CACNA1E: variants seen among roughly 807,000 people sequenced by gnomAD.
CACNA1E encodes voltage-dependent R-type calcium channel subunit alpha-1E.
Under a neutral mutation model 259.2 loss-of-function variants are expected in CACNA1E, and 40 were observed. That is an observed-to-expected ratio of 0.15 (90% CI 0.12 to 0.20). The LOEUF (loss-of-function observed/expected upper bound fraction) is 0.20. CACNA1E is among the 10% of genes least tolerant of loss of function. The pLI, the probability that CACNA1E is intolerant of heterozygous loss-of-function variation, is 1.00. For synonymous variants in CACNA1E, 1,104 were observed against 1,138.5 expected (o/e 0.97, Z 0.61); for missense variants, 1,874 against 3,040.1 (o/e 0.62, Z 9.02).
At chr1:181,601,859 C>G (rs1049264197) in intron 6 of CACNA1E, among the ~76,000 whole-genome samples, 6 of 152,218 alleles carry the variant, frequency 3.9e-5, no homozygotes, top group African/African-American at 1.2e-4. Flanking sequence ...ACAGGGCCCT[C>G]CATGATCTGC....
At chr1:181,430,079 T>G (rs1404491514) in intron 2 of CACNA1E, among the ~76,000 whole-genome samples, 1 of 152,188 alleles carries the variant, frequency 6.6e-6, no homozygotes, top group East Asian at 1.9e-4. Context: ...GGGACTAAGC[T>G]GCCTTTCTGG....
chr1:181,472,362 A>ATATCTACTT (rs1197360793), intron 2 of CACNA1E, among the ~76,000 whole-genome samples: 2 of 152,212 alleles, frequency 1.3e-5, no homozygotes, highest in African/African-American at 4.8e-5. Flanking sequence ...ACTTGTGTTA[A>ATATCTACTT]ATAAGTAGAT....
intron 2 of CACNA1E, among the ~76,000 whole-genome samples, chr1:181,450,222 C>A (rs139756280): frequency 6.6e-6 from 1 of 152,282 alleles, no homozygotes; most frequent in East Asian, 1.9e-4. Flanking sequence ...CCCCATGGTC[C>A]AACCTTCTCC....
chr1:181,785,507 G>T, intron 42 of CACNA1E, 89 bp downstream of exon 42: 2 of 995,238 alleles, frequency 2.0e-6, no homozygotes, highest in South Asian at 1.4e-5. Flanking sequence ...CATAGTGCCC[G>T]GCAAGGACTT....
chr1:181,401,410 A>G (rs1001867867), intron 1 of CACNA1E, among the ~76,000 whole-genome samples: 2 of 152,202 alleles, frequency 1.3e-5, no homozygotes, highest in Non-Finnish European at 2.9e-5. Flanking sequence ...ATCAAGGTTC[A>G]TGTTAGAATC....
chr1:181,423,464 A>G (rs535079166), intron 2 of CACNA1E, among the ~76,000 whole-genome samples: 2 of 152,310 alleles, frequency 1.3e-5, no homozygotes, highest in African/African-American at 2.4e-5. Context: ...GTGACAAGGT[A>G]GGAGGAACCA....
At chr1:181,343,814 C>A (rs1237233377) in intron 1 of CACNA1E, among the ~76,000 whole-genome samples, 2 of 152,156 alleles carry the variant, frequency 1.3e-5, no homozygotes, top group South Asian at 2.1e-4. Flanking sequence ...CCTGTCTCCT[C>A]TCAGAATCGT....
chr1:181,487,079 A>G (rs548793472), intron 1 of CACNA1E, among the ~76,000 whole-genome samples: 86 of 152,034 alleles, frequency 5.7e-4, no homozygotes, highest in African/African-American at 2.0e-3. Context: ...AAAACATGTC[A>G]AGACCTGCTT....
chr1:181,325,641 T>TTTGATTTA (rs1553228003), intron 1 of CACNA1E, among the ~76,000 whole-genome samples: 9 of 149,512 alleles, frequency 6.0e-5, no homozygotes, highest in Middle Eastern at 3.4e-3. Flanking sequence ...AGTTTTTTAT[T>TTTGATTTA]TTTATTTATT....
chr1:181,713,414 A>G (rs1572676863), intron 8 of CACNA1E, among the ~76,000 whole-genome samples: 1 of 152,210 alleles, frequency 6.6e-6, no homozygotes, highest in East Asian at 1.9e-4. Context: ...CCCCACCAAT[A>G]ACACTTAACC....
intron 7 of CACNA1E, among the ~76,000 whole-genome samples, chr1:181,700,124 T>C (rs1652087655): frequency 6.6e-6 from 1 of 151,994 alleles, no homozygotes; most frequent in South Asian, 2.1e-4. Context: ...GGCACTCCAA[T>C]GTCTAGAGGA....
intron 6 of CACNA1E, among the ~76,000 whole-genome samples, chr1:181,592,787 C>T (rs1431995895): frequency 6.6e-6 from 1 of 152,026 alleles, no homozygotes; most frequent in Non-Finnish European, 1.5e-5. Context: ...CCCAACTCTC[C>T]CATGCATGCA....
rs556864650 is a variant in CACNA1E at position 181,576,894 on chromosome 1, TTTTAGAGA to T, written c.513-870_513-863del. Among the ~76,000 whole-genome samples the T allele has an allele frequency of 5.9e-5, 9 of 152,338 alleles. No individual in the cohort carries two copies. In the South Asian group the frequency reaches 1.9e-3, roughly 32 times the overall value. Reference sequence around the variant, plus strand: ...ATAACTAGACCACGATACCCCCTTATTTTAGAGATGACAGAAGTGGGGTTCATAGAGGT... The same window carrying T: ...ATAACTAGACCACGATACCCCCTTATTGACAGAAGTGGGGTTCATAGAGGT... On this transcript the variant is annotated intron_variant, in intron 3 of 47. Transcript: ENST00000367573.
chr1:181,692,366 C>A (rs958461603), intron 7 of CACNA1E, among the ~76,000 whole-genome samples: 1 of 152,166 alleles, frequency 6.6e-6, no homozygotes, highest in African/African-American at 2.4e-5. Context: ...GTAGCAGGAA[C>A]AAAGCCAGTG....
chr1:181,670,984 ACTT>A (rs1648734102), intron 7 of CACNA1E, among the ~76,000 whole-genome samples: 1 of 152,214 alleles, frequency 6.6e-6, no homozygotes, highest in Admixed American at 6.5e-5. Context: ...GGGGAGAAAT[ACTT>A]CTTTGATCAC....
chr1:181,417,572 C>T (rs1658362973), intron 2 of CACNA1E, among the ~76,000 whole-genome samples: 2 of 152,178 alleles, frequency 1.3e-5, no homozygotes, highest in Non-Finnish European at 2.9e-5. Context: ...AAAGTCACAA[C>T]CACGCCGATT....
chr1:181,484,125 T>C, intron 1 of CACNA1E, 115 bp downstream of exon 1: 2 of 1,050,376 alleles, frequency 1.9e-6, no homozygotes, highest in South Asian at 1.4e-5. Context: ...TTTGCCCCTT[T>C]GCTGAAGCAC....
chr1:181,394,947 T>TAA (rs1656556597), intron 1 of CACNA1E, among the ~76,000 whole-genome samples: 1 of 151,934 alleles, frequency 6.6e-6, no homozygotes, highest in African/African-American at 2.4e-5. Context: ...CACTGGGAGG[T>TAA]CAGCTGTGGC....
intron 6 of CACNA1E, among the ~76,000 whole-genome samples, chr1:181,649,030 T>A (rs1489345681): frequency 6.6e-6 from 1 of 152,228 alleles, no homozygotes; most frequent in African/African-American, 2.4e-5. Context: ...GAGCTAGCTA[T>A]ACAAATATCA....
Sources: gnomAD v4.1 joint callset for allele counts (sites outside exome capture counted in the v4.1 genomes callset) on GRCh38, gnomAD v4.1.1 for gene constraint, MANE v1.5 for transcripts, NCBI Gene and HGNC (gene_info 2026-07-23, HGNC 2026-07-21) for gene names.